Variants in ZNF2 observed in about 807,000 individuals in gnomAD.
ZNF2 encodes the protein zinc finger protein 2.2.
ZNF2 carries 12 observed loss-of-function variants against 21.9 expected under a neutral mutation model. That is an observed-to-expected ratio of 0.55 (90% CI 0.35 to 0.89). The LOEUF is 0.89. Among genes scored for constraint, ZNF2 ranks in the 40% least tolerant of loss-of-function variants. The pLI is 0.01. For missense variants in ZNF2, 462 were observed against 544.2 expected, an observed-to-expected ratio of 0.85 and a Z score of 1.50; for synonymous variants, 186 against 196.3, an observed-to-expected ratio of 0.95 and a Z score of 0.44.
intron 3 of ZNF2, among the ~76,000 whole-genome samples, chr2:95,178,920 T>C (rs1370597366): frequency 6.6e-6 from 1 of 152,112 alleles, no homozygotes; most frequent in African/African-American, 2.4e-5. Flanking sequence ...AAATGGTATT[T>C]TAAATTTATT....
intron 1 of ZNF2, among the ~76,000 whole-genome samples, chr2:95,169,558 C>A (rs1674200541): frequency 1.3e-5 from 2 of 152,090 alleles, no homozygotes; most frequent in African/African-American, 4.8e-5. Flanking sequence ...AGTTCAAGAC[C>A]CGCCCGGCCA....
intron 1 of ZNF2, among the ~76,000 whole-genome samples, chr2:95,169,401 A>T (rs900030510): frequency 6.6e-6 from 1 of 152,252 alleles, no homozygotes; most frequent in Non-Finnish European, 1.5e-5. Flanking sequence ...TTAGACAAAC[A>T]TATACAAATA....
Position 95,180,206 on chromosome 2 carries a change from G to A in ZNF2, c.208G>A (p.Asp70Asn), listed in dbSNP as rs780654699. ...TGTGATTTTCCAATTGAAGAGAGGG[G>A]ACAAGCCGTGGATGGTAGATCTTCA... ...PDVIFQLKRGDKPWMVDLHGS... is the reference protein window; with the variant it reads ...PDVIFQLKRGNKPWMVDLHGS... The change falls in exon 4 of 5, where the codon GAC becomes AAC. Residue 70 changes from aspartate to asparagine, a missense_variant. Asp to Asn is a conservative substitution (Grantham distance 23). Transcript: ENST00000614034. The A allele has an allele frequency of 1.9e-6, 3 of 1,614,040 alleles. No homozygotes were observed. Among genetic ancestry groups the A allele is most frequent in the African/African-American group, 1.3e-5 (1 of 74,924 alleles).
chr2:95,169,076 A>G (rs1252293716), intron 1 of ZNF2, among the ~76,000 whole-genome samples: 1 of 152,232 alleles, frequency 6.6e-6, no homozygotes, highest in Admixed American at 6.5e-5. Context: ...CTTGGCTAGC[A>G]GTAACTCCCT....
chr2:95,171,682 G>A (rs1410158487), intron 1 of ZNF2, among the ~76,000 whole-genome samples: 2 of 152,164 alleles, frequency 1.3e-5, no homozygotes, highest in Admixed American at 6.5e-5. Flanking sequence ...CACCCAGCCT[G>A]TCTGTTCTTA....
chr2:95,172,590 T>C (rs375446583), intron 1 of ZNF2, among the ~76,000 whole-genome samples: 195 of 152,260 alleles, frequency 1.3e-3, no homozygotes, highest in African/African-American at 4.5e-3. Flanking sequence ...TGTACAAATA[T>C]GTAATTTTAA....
intron 1 of ZNF2, among the ~76,000 whole-genome samples, chr2:95,170,155 C>T (rs974369109): frequency 6.6e-6 from 1 of 152,092 alleles, no homozygotes; most frequent in Non-Finnish European, 1.5e-5. Flanking sequence ...TTGTGATGGA[C>T]GAATCTTAAC....
Position 95,165,827 on chromosome 2 carries a change from C to A in ZNF2, c.-73C>A, listed in dbSNP as rs543770994. 4 of 152,418 alleles carry A rather than the reference C, an allele frequency of 2.6e-5. No homozygotes were observed. The highest frequency in any genetic ancestry group is 1.3e-4 in the Admixed American group (2 of 15,300). 9.4% of individuals were successfully genotyped at this position (152,418 alleles called of 1,614,324 possible). On this transcript the variant is annotated 5_prime_UTR_variant, in exon 1 of 5. Transcript: ENST00000614034. ...TTGGTTTCCCGACCTGAAGAGGCGC[C>A]GTCTTCCCGGGTCCCGAGCACTCTG...
intron 1 of ZNF2, among the ~76,000 whole-genome samples, chr2:95,172,393 G>C (rs1674304179): frequency 6.6e-6 from 1 of 152,086 alleles, no homozygotes; most frequent in African/African-American, 2.4e-5. Flanking sequence ...CAGGTCTGCT[G>C]TGACTTTTCT....
chr2:95,171,088 A>G (rs548505379), intron 1 of ZNF2, among the ~76,000 whole-genome samples: 2 of 151,344 alleles, frequency 1.3e-5, no homozygotes, highest in Admixed American at 6.6e-5. Flanking sequence ...TGAATATGAA[A>G]CTCATAGTCC....
At chr2:95,173,405 C>G (rs758858602) in intron 1 of ZNF2, among the ~76,000 whole-genome samples, 17 of 152,164 alleles carry the variant, frequency 1.1e-4, no homozygotes, top group Non-Finnish European at 1.9e-4. Context: ...CATCAGGCTT[C>G]CCTAATGTTT....
chr2:95,166,871 T>C (rs778703462), intron 1 of ZNF2, among the ~76,000 whole-genome samples: 10 of 152,176 alleles, frequency 6.6e-5, no homozygotes, highest in Admixed American at 1.3e-4. Context: ...GAACGCCTGA[T>C]TTAAGGTTTG....
chr2:95,170,613 A>G (rs1471529948), intron 1 of ZNF2, among the ~76,000 whole-genome samples: 29 of 152,262 alleles, frequency 1.9e-4, no homozygotes, highest in Non-Finnish European at 1.0e-4. Flanking sequence ...GTTAAATGCT[A>G]CCAAACAGAC....
Position 95,173,801 on chromosome 2 carries a change from C to T in ZNF2, c.-39-2387C>T, listed in dbSNP as rs577981150. 1.3e-4 allele frequency among the ~76,000 whole-genome samples: 20 copies of T among 152,330 alleles called. 1 individual carries two copies. Among genetic ancestry groups the T allele is most frequent in the Admixed American group, 3.3e-4 (5 of 15,310 alleles). On this transcript the variant is annotated intron_variant, in intron 1 of 4. Coordinates refer to ENST00000614034, the MANE Select transcript of ZNF2 (RefSeq NM_021088.4). ...TTGGCTCACTGCAACCTCCGCCTCC[C>T]AGGGTCAACCAATTCTCCTGCCTCA...
intron 3 of ZNF2, among the ~76,000 whole-genome samples, chr2:95,177,864 C>T (rs901531776): frequency 6.6e-6 from 1 of 152,106 alleles, no homozygotes. Context: ...GCCTGCCCGG[C>T]AAAATTCAGG....
At chr2:95,169,985 A>G (rs145340615) in intron 1 of ZNF2, among the ~76,000 whole-genome samples, 15 of 152,266 alleles carry the variant, frequency 9.9e-5, no homozygotes, top group Admixed American at 6.5e-5. Flanking sequence ...AGGTTAAGAA[A>G]CTTTCCTGAG....
intron 1 of ZNF2, among the ~76,000 whole-genome samples, chr2:95,169,975 A>G (rs940096939): frequency 6.6e-6 from 1 of 152,220 alleles, no homozygotes; most frequent in African/African-American, 2.4e-5. Flanking sequence ...AGACTGAGAC[A>G]GGTTAAGAAA....
chr2:95,168,384 C>T (rs559860409), intron 1 of ZNF2, among the ~76,000 whole-genome samples: 1 of 150,578 alleles, frequency 6.6e-6, no homozygotes, highest in South Asian at 2.1e-4. Context: ...AAGATCGTGC[C>T]ATTGCACTCC....
Position 95,180,511 on chromosome 2 carries a change from C to CT in ZNF2, c.274+255dup, listed in dbSNP as rs1165637913. The stretch of plus-strand genomic sequence containing the variant: ...GTTGTGCACTCACACTTTGCTATTT[C>CT]TTTTTTTTTTTTTTTTGAGACAGAG... On this transcript the variant is annotated intron_variant, in intron 4 of 4. Transcript: ENST00000614034. Among the ~76,000 whole-genome samples, 487 of 139,334 alleles carry CT rather than the reference C, an allele frequency of 3.5e-3. 1 individual carries two copies. The highest frequency in any genetic ancestry group is 5.4e-3 in the African/African-American group (207 of 38,218). The allele number at this position is 139,334 out of a possible 152,430, so 91.4% of individuals were successfully genotyped here.
Sources: gnomAD v4.1 joint callset for allele counts (sites outside exome capture counted in the v4.1 genomes callset) on GRCh38, gnomAD v4.1.1 for gene constraint, MANE v1.5 for transcripts, NCBI Gene and HGNC (gene_info 2026-07-23, HGNC 2026-07-21) for gene names.